Variants in CSMD1 observed in about 807,000 individuals in gnomAD.
The protein encoded by CSMD1 is CUB and sushi domain-containing protein 1.
A neutral mutation model predicts 417.5 loss-of-function variants in CSMD1; 213 were observed. The observed-to-expected ratio is 0.51, with a 90% confidence interval of 0.46 to 0.57. The LOEUF is 0.57. CSMD1 is among the 20% of genes least tolerant of loss of function. The pLI, the probability that CSMD1 is intolerant of heterozygous loss-of-function variation, is 0.00. For synonymous variants in CSMD1, 2,862 were observed against 1,736.8 expected (o/e 1.65, Z -16.11); for missense variants, 6,923 against 4,529.7 (o/e 1.53, Z -15.17).
At chr8:4,565,247 C>G (rs1006540873) in intron 2 of CSMD1, among the ~76,000 whole-genome samples, 1 of 152,098 alleles carries the variant, frequency 6.6e-6, no homozygotes, top group Non-Finnish European at 1.5e-5. Context: ...TTAAGAATGC[C>G]TCATTCACAA....
chr8:4,369,217 T>C lies in CSMD1; in HGVS notation c.415+50736A>G, dbSNP rs542981478. 2.0e-5 allele frequency among the ~76,000 whole-genome samples: 3 copies of C among 152,320 alleles called. No homozygotes were observed. The East Asian group carries it at 5.8e-4, about 29-fold the overall frequency. ...ATTTCATTCTTTACCTAAAAGTCAT[T>C]TGGTGTCAAGTTCAACTTCCATGTA... On this transcript the variant is annotated intron_variant, in intron 3 of 69. Transcript: ENST00000635120.
intron 8 of CSMD1, among the ~76,000 whole-genome samples, chr8:3,599,241 C>G (rs1019711395): frequency 6.6e-6 from 1 of 151,696 alleles, no homozygotes; most frequent in African/African-American, 2.4e-5. Flanking sequence ...GAAATGATTA[C>G]TGCAGTCAAG....
chr8:4,937,846 C>T (rs1042765784), intron 1 of CSMD1, among the ~76,000 whole-genome samples: 1 of 152,108 alleles, frequency 6.6e-6, no homozygotes, highest in African/African-American at 2.4e-5. Flanking sequence ...AGGAAATCTA[C>T]ATTCGAAGCT....
chr8:4,569,276 G>C (rs938874337), intron 2 of CSMD1, among the ~76,000 whole-genome samples: 1 of 152,108 alleles, frequency 6.6e-6, no homozygotes, highest in Non-Finnish European at 1.5e-5. Flanking sequence ...TATGGTTTTA[G>C]GTCTAACATT....
chr8:4,237,185 CAT>C (rs1419349165), intron 3 of CSMD1, among the ~76,000 whole-genome samples: 3 of 152,212 alleles, frequency 2.0e-5, no homozygotes, highest in Admixed American at 6.5e-5. Flanking sequence ...TTCGCCTTTC[CAT>C]ATTTGCACCA....
At chr8:3,571,319 C>T (rs1799933684) in intron 10 of CSMD1, among the ~76,000 whole-genome samples, 1 of 152,192 alleles carries the variant, frequency 6.6e-6, no homozygotes, top group Non-Finnish European at 1.5e-5. Context: ...AGGCACCTTG[C>T]TATCTCTGTG....
intron 3 of CSMD1, among the ~76,000 whole-genome samples, chr8:4,281,642 T>A (rs116877804): frequency 0.018 from 2,764 of 152,352 alleles, 45 homozygotes; most frequent in Non-Finnish European, 0.028. Context: ...TGTTGGGCTT[T>A]CTTACTTGAC....
At chr8:3,995,032 C>G (rs4478596) in intron 5 of CSMD1, among the ~76,000 whole-genome samples, 3,874 of 152,248 alleles carry the variant, frequency 0.025, 169 homozygotes, top group African/African-American at 0.089. Context: ...CTCCCCGTCC[C>G]TGTCTATGCA....
At chr8:3,704,878 G>C (rs939942868) in intron 7 of CSMD1, 7 of 152,248 alleles carry the variant, frequency 4.6e-5, no homozygotes, top group African/African-American at 1.7e-4. Context: ...GCAGAGGGGA[G>C]GGTAATAATG....
At chr8:3,670,733 T>A (rs1158321598) in intron 7 of CSMD1, among the ~76,000 whole-genome samples, 1 of 107,738 alleles carries the variant, frequency 9.3e-6, no homozygotes, top group Non-Finnish European at 2.2e-5. Context: ...TATACATGTA[T>A]GGGATGTATG....
chr8:3,574,258 T>C (rs28418956), intron 10 of CSMD1, among the ~76,000 whole-genome samples: 74,472 of 152,088 alleles, frequency 0.49, 19,983 homozygotes, highest in African/African-American at 0.71. Context: ...TATCTTTTCT[T>C]GATATGGAGT....
At chr8:3,644,552 G>C (rs1355427530) in intron 7 of CSMD1, among the ~76,000 whole-genome samples, 1 of 152,152 alleles carries the variant, frequency 6.6e-6, no homozygotes, top group Admixed American at 6.5e-5. Flanking sequence ...AGCTAAAAAT[G>C]GAAAGGTAGG....
Position 3,796,292 on chromosome 8 carries a change from A to ATC in CSMD1, c.819-42251_819-42250insGA, listed in dbSNP as rs1554440642. On this transcript the variant is annotated intron_variant, in intron 5 of 69. Transcript: ENST00000635120. ...AGATATATATCTATCATGTATAGAT[A>ATC]TATCTATCATGTATAGATATAGATA... Among the ~76,000 whole-genome samples, 10 of 12,396 alleles carry ATC rather than the reference A, an allele frequency of 8.1e-4. 2 individuals are homozygous for ATC. The highest frequency in any genetic ancestry group is 1.8e-3 in the Admixed American group (2 of 1,090). The allele number at this position is 12,396 out of a possible 152,430, so 8.1% of individuals were successfully genotyped here.
intron 12 of CSMD1, among the ~76,000 whole-genome samples, chr8:3,463,958 C>G (rs1280377930): frequency 6.6e-6 from 1 of 152,158 alleles, no homozygotes; most frequent in Non-Finnish European, 1.5e-5. Flanking sequence ...CTTATTATCA[C>G]TGTATTCATC....
chr8:3,520,607 C>T (rs79699569), intron 10 of CSMD1, among the ~76,000 whole-genome samples: 5,912 of 152,222 alleles, frequency 0.039, 372 homozygotes, highest in African/African-American at 0.13. Flanking sequence ...CCATTTACTG[C>T]TTGCTCATTC....
At chr8:3,218,106 T>C (rs891149163) in intron 29 of CSMD1, among the ~76,000 whole-genome samples, 1 of 152,172 alleles carries the variant, frequency 6.6e-6, no homozygotes, top group Admixed American at 6.5e-5. Context: ...TTTCCTTGGA[T>C]GTTAGTGGCA....
chr8:3,425,120 C>T (rs942864664), intron 12 of CSMD1, among the ~76,000 whole-genome samples: 1 of 152,132 alleles, frequency 6.6e-6, no homozygotes, highest in Admixed American at 6.5e-5. Context: ...CATGCTTGTC[C>T]TATTTTATCA....
chr8:4,098,608 A>G (rs1176282485), intron 3 of CSMD1, among the ~76,000 whole-genome samples: 1 of 152,162 alleles, frequency 6.6e-6, no homozygotes, highest in Admixed American at 6.6e-5. Flanking sequence ...TAAGGTTCAA[A>G]TAAGTGAAGG....
intron 5 of CSMD1, among the ~76,000 whole-genome samples, chr8:3,824,951 ATTT>A (rs143456401): frequency 6.6e-6 from 1 of 152,130 alleles, no homozygotes; most frequent in African/African-American, 2.4e-5. Context: ...GATTAATCTG[ATTT>A]TTTAACTGTT....
Sources: gnomAD v4.1 joint callset for allele counts (sites outside exome capture counted in the v4.1 genomes callset) on GRCh38, gnomAD v4.1.1 for gene constraint, MANE v1.5 for transcripts, NCBI Gene and HGNC (gene_info 2026-07-23, HGNC 2026-07-21) for gene names.